SYNE1: variants seen among roughly 807,000 people sequenced by gnomAD.
SYNE1 encodes nesprin-1.
In SYNE1, 616 loss-of-function variants were observed where a neutral mutation model predicts 1,111.0. That is an observed-to-expected ratio of 0.55 (90% CI 0.52 to 0.59). The LOEUF is 0.59. SYNE1 is among the 20% of genes least tolerant of loss of function. The pLI, the probability that SYNE1 is intolerant of heterozygous loss-of-function variation, is 0.00. For missense variants in SYNE1, 10,006 were observed against 10,417.0 expected, an observed-to-expected ratio of 0.96 and a Z score of 1.72; for synonymous variants, 3,855 against 3,825.8, an observed-to-expected ratio of 1.01 and a Z score of -0.28.
chr6:152,126,713 A>T (rs1292078324), intron 145 of SYNE1: 1 of 152,176 alleles, frequency 6.6e-6, no homozygotes, highest in Non-Finnish European at 1.5e-5. Flanking sequence ...TACCTAGACA[A>T]TTGCGGGATA....
rs201799566 is a variant in SYNE1 at position 152,149,564 on chromosome 6, G to C, written c.24555C>G (p.Ile8185Met). The change falls in exon 136 of 146, where the codon ATC becomes ATG. Residue 8185 changes from isoleucine to methionine, a missense_variant. By Grantham distance (10) the Ile-to-Met change is conservative (BLOSUM62 1). Coordinates refer to ENST00000367255, the MANE Select transcript of SYNE1 (RefSeq NM_182961.4). ...GTCGGAGCTCATCTAGTTCCTCCTC[G>C]ATGATCGCTGCATCCAAGGGCTCAC... is the stretch of plus-strand genomic sequence containing the variant. ...EKSEPLDAAI[I>M]EEELDELRRY... The C allele has an allele frequency of 1.9e-6, 3 of 1,614,078 alleles. No homozygotes were observed. The East Asian group carries it at 6.7e-5, about 36-fold the overall frequency.
At chr6:152,368,709 C>A in intron 61 of SYNE1, 1 of 475,756 alleles carries the variant, frequency 2.1e-6, no homozygotes, top group South Asian at 2.2e-5. Flanking sequence ...AAAGGAATAT[C>A]TTGTGCAATA....
chr6:152,365,150 A>G, intron 62 of SYNE1, 131 bp from the exon 63 acceptor site: 1 of 1,160,596 alleles, frequency 8.6e-7, no homozygotes, highest in Non-Finnish European at 1.2e-6. Context: ...CAGTCGGCTG[A>G]GACAGAGGGT....
At chr6:152,604,088 A>G (rs1163704300) in intron 3 of SYNE1, among the ~76,000 whole-genome samples, 3 of 151,522 alleles carry the variant, frequency 2.0e-5, no homozygotes, top group Non-Finnish European at 4.4e-5. Flanking sequence ...TTCTAGATAT[A>G]AAAGAGTGAT....
chr6:152,323,336 G>T (rs937334338), intron 82 of SYNE1, 142 bp downstream of exon 82: 6 of 1,286,628 alleles, frequency 4.7e-6, no homozygotes, highest in African/African-American at 4.4e-5. Context: ...TACTCAGAGA[G>T]GCTGAGGCAG....
rs1311966170 is a variant in SYNE1, at chr6:152,254,981, T to C, written c.19369A>G (p.Thr6457Ala). 6.2e-7 allele frequency: 1 copy of C among 1,614,048 alleles called. No homozygotes were observed. The highest frequency in any genetic ancestry group is 1.1e-5 in the South Asian group (1 of 91,078). Residue 6457 changes from threonine (T) to alanine (A), a missense_variant, in exon 104 of 146, where the codon ACT (threonine) becomes GCT (alanine). This residue lies in a region of SYNE1 where 2,182 missense variants were observed against 2,287.8 expected (regional missense o/e 0.95). Coordinates refer to ENST00000367255, the MANE Select transcript of SYNE1 (RefSeq NM_182961.4). ...AACCTGCCCAAAAGACAACCCAAAG[T>C]ATCTTCAATAACATCTCGATTATCA... is the stretch of plus-strand genomic sequence containing the variant. Reference protein sequence around the residue: ...NGDNRDVIEDTLGCLLGRLSL... With the variant: ...NGDNRDVIEDALGCLLGRLSL...
rs374439624 is a variant in SYNE1, at chr6:152,465,947, G to A, written c.1729+35C>T. 2.8e-6 allele frequency: 4 copies of A among 1,434,522 alleles called. No homozygotes were observed. The African/African-American group carries it at 5.6e-5, about 20-fold the overall frequency. 88.9% of individuals were successfully genotyped at this position (1,434,522 alleles called of 1,614,324 possible). A position where few individuals can be genotyped will look rare whatever the true frequency, so the allele number is the denominator to read the frequency against. On this transcript the variant is annotated intron_variant, in intron 17 of 145. Transcript: ENST00000367255. ...CCTGCAGGCTCTAAATTCTACTGCA[G>A]TCTACGTTGCAACAAATTCTGTAGT...
intron 121 of SYNE1, 126 bp downstream of exon 121, chr6:152,218,131 G>T: frequency 9.2e-7 from 1 of 1,083,998 alleles, no homozygotes; most frequent in East Asian, 2.4e-5. Context: ...AGCAGAGGTT[G>T]CAGTGAGCCG....
chr6:152,167,114 C>A (rs1245813983), intron 130 of SYNE1, among the ~76,000 whole-genome samples: 1 of 152,148 alleles, frequency 6.6e-6, no homozygotes, highest in East Asian at 1.9e-4. Context: ...ATCTGTAAGT[C>A]CCTGCAGCTT....
intron 121 of SYNE1, among the ~76,000 whole-genome samples, chr6:152,217,408 AG>A (rs2079021792): frequency 8.4e-6 from 1 of 118,462 alleles, no homozygotes. Context: ...AAAAAAAAAA[AG>A]AAAAAAAAAT....
intron 3 of SYNE1, among the ~76,000 whole-genome samples, chr6:152,598,024 G>T (rs1198345978): frequency 6.6e-6 from 1 of 152,032 alleles, no homozygotes. Context: ...TTTAAACGAG[G>T]TAAGAAAAAG....
chr6:152,502,472 C>A (rs1409015124), intron 10 of SYNE1, among the ~76,000 whole-genome samples, 161 bp downstream of exon 10: 1 of 152,090 alleles, frequency 6.6e-6, no homozygotes, highest in Non-Finnish European at 1.5e-5. Flanking sequence ...CCAGAAAAAC[C>A]CTTTCCTCTA....
At chr6:152,239,187 G>A (rs953054051) in intron 108 of SYNE1, among the ~76,000 whole-genome samples, 14 of 152,276 alleles carry the variant, frequency 9.2e-5, no homozygotes, top group Middle Eastern at 3.4e-3. Context: ...AAAGTGCTGG[G>A]ATGACAGGTG....
intron 121 of SYNE1, among the ~76,000 whole-genome samples, chr6:152,215,723 C>T (rs934964725): frequency 1.3e-5 from 2 of 152,148 alleles, no homozygotes; most frequent in Non-Finnish European, 2.9e-5. Context: ...TCATTTTATC[C>T]TCAAAACGAT....
intron 39 of SYNE1, among the ~76,000 whole-genome samples, chr6:152,421,103 C>T (rs894735787): frequency 6.6e-6 from 1 of 152,128 alleles, no homozygotes; most frequent in Non-Finnish European, 1.5e-5. Context: ...AATGAAAAGC[C>T]CTTGGGAAGA....
At chr6:152,288,261 T>C (rs569759412) in intron 95 of SYNE1, among the ~76,000 whole-genome samples, 4 of 152,302 alleles carry the variant, frequency 2.6e-5, no homozygotes, top group African/African-American at 4.8e-5. Flanking sequence ...TACCCACTCC[T>C]GTTGCCATTC....
chr6:152,365,876 A>G (rs2154078616), intron 62 of SYNE1, among the ~76,000 whole-genome samples: 1 of 152,254 alleles, frequency 6.6e-6, no homozygotes, highest in South Asian at 2.1e-4. Context: ...TCAGCCACCC[A>G]TTGCCACCAG....
chr6:152,339,109 TA>T, intron 75 of SYNE1, 131 bp downstream of exon 75: 1 of 1,206,914 alleles, frequency 8.3e-7, no homozygotes, highest in Non-Finnish European at 1.2e-6. Context: ...ATCTATTTAT[TA>T]TAATGGCTGT....
In SYNE1 at chr6:152,151,642, G is replaced by A. The variant is rs1463827676; in HGVS notation, c.24361C>T (p.Leu8121=). The A allele has an allele frequency of 6.2e-7, 1 of 1,614,042 alleles. No homozygotes were observed. The stretch of plus-strand genomic sequence containing the variant: ...AGATCCATCTCTGTGAGCCAGACCA[G>A]AATGCTGTCCCGCGCAGTCTCAAAC... ...EEFETARDSI[L]VWLTEMDLQL... is the part of the protein sequence containing the mutation. The change falls in exon 135 of 146, where the codon CTG becomes TTG. Residue 8121 remains leucine (L), a synonymous_variant. Transcript: ENST00000367255.
Sources: gnomAD v4.1 joint callset for allele counts (sites outside exome capture counted in the v4.1 genomes callset) on GRCh38, gnomAD v4.1.1 for gene constraint, gnomAD v4.1.1 regional missense constraint, MANE v1.5 for transcripts, NCBI Gene and HGNC (gene_info 2026-07-23, HGNC 2026-07-21) for gene names.